The following HS3ST4 variants were observed in gnomAD, a reference collection of about 807,000 sequenced individuals.
HS3ST4 encodes heparan sulfate-glucosamine 3-sulfotransferase 4, also known as heparan sulfate glucosamine 3-O-sulfotransferase 4.
Under a neutral mutation model 29.2 loss-of-function variants are expected in HS3ST4, and 17 were observed. That is an observed-to-expected ratio of 0.58 (90% CI 0.40 to 0.87). The LOEUF is 0.87. Among genes scored for constraint, HS3ST4 ranks in the 40% least tolerant of loss-of-function variants. HS3ST4 has a pLI of 0.00. For synonymous variants in HS3ST4, 314 were observed against 285.7 expected (o/e 1.10, Z -1.00); for missense variants, 627 against 634.5 (o/e 0.99, Z 0.13).
chr16:25,909,539 G>A (rs1968215321), intron 1 of HS3ST4, among the ~76,000 whole-genome samples: 2 of 152,158 alleles, frequency 1.3e-5, no homozygotes, highest in South Asian at 4.1e-4. Flanking sequence ...AAGTGAGGGA[G>A]CACAGGAGTC....
intron 1 of HS3ST4, among the ~76,000 whole-genome samples, chr16:25,868,266 T>C (rs1967715509): frequency 1.3e-5 from 2 of 152,106 alleles, no homozygotes; most frequent in South Asian, 2.1e-4. Flanking sequence ...CTTAGAACTT[T>C]GGCGGCTGCA....
intron 1 of HS3ST4, among the ~76,000 whole-genome samples, chr16:25,931,515 A>C (rs1428056980): frequency 1.3e-5 from 2 of 152,256 alleles, no homozygotes; most frequent in African/African-American, 4.8e-5. Flanking sequence ...GGTGAAATTC[A>C]GATTCGCTCT....
chr16:26,061,938 T>A (rs1424770218), intron 1 of HS3ST4, among the ~76,000 whole-genome samples: 1 of 152,192 alleles, frequency 6.6e-6, no homozygotes, highest in African/African-American at 2.4e-5. Flanking sequence ...CCTATAAAGG[T>A]CAAAATTCAC....
chr16:26,075,685 T>C (rs1353213082), intron 1 of HS3ST4, among the ~76,000 whole-genome samples: 1 of 152,144 alleles, frequency 6.6e-6, no homozygotes, highest in Non-Finnish European at 1.5e-5. Context: ...CTGGCTGGGG[T>C]ATAAATATGC....
chr16:26,124,213 C>G (rs1054217988), intron 1 of HS3ST4, among the ~76,000 whole-genome samples: 1 of 152,188 alleles, frequency 6.6e-6, no homozygotes, highest in African/African-American at 2.4e-5. Context: ...AGCCACTGCA[C>G]CCAGCCCAAA....
chr16:25,819,977 C>T (rs1479865922), intron 1 of HS3ST4, among the ~76,000 whole-genome samples: 3 of 115,208 alleles, frequency 2.6e-5, no homozygotes, highest in Non-Finnish European at 4.9e-5. Flanking sequence ...TGCCACTGCA[C>T]TCCAGCCTGG....
chr16:25,995,355 T>A (rs781249353), intron 1 of HS3ST4, among the ~76,000 whole-genome samples: 14 of 152,244 alleles, frequency 9.2e-5, no homozygotes, highest in Non-Finnish European at 1.9e-4. Context: ...CCTATGCAGT[T>A]AAGATTCTGT....
intron 1 of HS3ST4, among the ~76,000 whole-genome samples, chr16:25,790,436 CAAAT>C (rs1263354914): frequency 1.3e-5 from 2 of 152,066 alleles, no homozygotes; most frequent in Admixed American, 6.6e-5. Flanking sequence ...GAAAAACAAA[CAAAT>C]AAAAACTAAA....
chr16:25,724,834 CA>C (rs1370915836), intron 1 of HS3ST4, among the ~76,000 whole-genome samples: 1 of 151,864 alleles, frequency 6.6e-6, no homozygotes, highest in East Asian at 1.9e-4. Flanking sequence ...AGTTCGTGGA[CA>C]TTTTAAAATT....
At chr16:26,105,803 C>T (rs1323782892) in intron 1 of HS3ST4, among the ~76,000 whole-genome samples, 1 of 152,254 alleles carries the variant, frequency 6.6e-6, no homozygotes, top group Non-Finnish European at 1.5e-5. Flanking sequence ...TCAGATGTTA[C>T]CTCTAACCTG....
At chr16:26,068,854 A>T (rs1268039270) in intron 1 of HS3ST4, among the ~76,000 whole-genome samples, 1 of 152,082 alleles carries the variant, frequency 6.6e-6, no homozygotes, top group Non-Finnish European at 1.5e-5. Flanking sequence ...ACTTATGTGT[A>T]TGATTTCAAG....
chr16:25,896,799 A>G (rs1473954836), intron 1 of HS3ST4, among the ~76,000 whole-genome samples: 1 of 152,256 alleles, frequency 6.6e-6, no homozygotes, highest in Admixed American at 6.5e-5. Flanking sequence ...CATATACACC[A>G]TAGAATACTA....
At chr16:25,929,999 A>G (rs546927487) in intron 1 of HS3ST4, among the ~76,000 whole-genome samples, 4 of 152,120 alleles carry the variant, frequency 2.6e-5, no homozygotes, top group East Asian at 1.9e-4. Context: ...ATTCTCTGCT[A>G]TGTGTCCAAG....
intron 1 of HS3ST4, among the ~76,000 whole-genome samples, chr16:25,971,965 C>T (rs533636087): frequency 2.6e-5 from 4 of 152,194 alleles, no homozygotes; most frequent in Admixed American, 2.6e-4. Flanking sequence ...AGTCGAGATT[C>T]TGGACCTGGA....
chr16:26,119,418 C>T (rs1899242427), intron 1 of HS3ST4, among the ~76,000 whole-genome samples: 1 of 152,204 alleles, frequency 6.6e-6, no homozygotes, highest in African/African-American at 2.4e-5. Context: ...CACAGACAGA[C>T]TGACTAGATG....
chr16:25,963,707 G>A (rs1466071568), intron 1 of HS3ST4, among the ~76,000 whole-genome samples: 2 of 152,182 alleles, frequency 1.3e-5, no homozygotes, highest in African/African-American at 4.8e-5. Context: ...CTACATTCTT[G>A]TCCTTTGCAG....
chr16:25,949,757 G>T (rs1259907148), intron 1 of HS3ST4, among the ~76,000 whole-genome samples: 2 of 152,158 alleles, frequency 1.3e-5, no homozygotes, highest in Admixed American at 6.5e-5. Context: ...CAGGGTGATT[G>T]GTTATCAAGG....
chr16:25,801,833 C>CT (rs1195138381), intron 1 of HS3ST4, among the ~76,000 whole-genome samples: 2 of 151,614 alleles, frequency 1.3e-5, no homozygotes, highest in African/African-American at 4.8e-5. Flanking sequence ...AATTTTGTTG[C>CT]TTTTTTTGAT....
At chr16:25,890,053 T>C (rs1171973787) in intron 1 of HS3ST4, among the ~76,000 whole-genome samples, 1 of 152,224 alleles carries the variant, frequency 6.6e-6, no homozygotes, top group Admixed American at 6.5e-5. Flanking sequence ...TGTGTCTTCG[T>C]TAGCAGCATG....
Sources: allele counts gnomAD v4.1 joint callset (sites outside exome capture counted in the v4.1 genomes callset), GRCh38; gene constraint gnomAD v4.1.1; transcripts MANE v1.5; gene names NCBI Gene and HGNC (gene_info 2026-07-23, HGNC 2026-07-21).